Variants in RALYL observed in about 807,000 individuals in gnomAD.
RALYL encodes RALY RNA binding protein like, also known as RNA-binding Raly-like protein.
RALYL carries 29 observed loss-of-function variants against 35.1 expected under a neutral mutation model. The observed-to-expected ratio is 0.83, with a 90% CI of 0.61 to 1.13. RALYL has a LOEUF of 1.13. RALYL is among the 50% of genes most tolerant of loss of function. The probability of loss-of-function intolerance (pLI) is 0.00; values close to 1 mark genes in which losing one functional copy is unlikely to be tolerated. For synonymous variants in RALYL, 120 were observed against 127.6 expected, an observed-to-expected ratio of 0.94 and a Z score of 0.40; for missense variants, 359 against 360.4, an observed-to-expected ratio of 1.00 and a Z score of 0.03.
chr8:84,601,230 T>C (rs892798837), intron 2 of RALYL, among the ~76,000 whole-genome samples: 1 of 152,144 alleles, frequency 6.6e-6, no homozygotes, highest in Non-Finnish European at 1.5e-5. Context: ...TAACAAGTTA[T>C]GTCCATTTTA....
At chr8:84,452,465 T>C (rs1305717670) in intron 1 of RALYL, among the ~76,000 whole-genome samples, 1 of 151,956 alleles carries the variant, frequency 6.6e-6, no homozygotes, top group African/African-American at 2.4e-5. Context: ...AGTCCAATAA[T>C]ATATTTTCTT....
intron 1 of RALYL, among the ~76,000 whole-genome samples, chr8:84,411,722 T>C (rs2044123699): frequency 6.6e-6 from 1 of 152,022 alleles, no homozygotes. Context: ...GATTATTTGT[T>C]TAAATACTTT....
chr8:84,718,207 A>G (rs34012638), intron 2 of RALYL, among the ~76,000 whole-genome samples: 10,183 of 152,228 alleles, frequency 0.067, 787 homozygotes, highest in African/African-American at 0.19. Flanking sequence ...GTATTGAATG[A>G]AAGCATATAT....
At chr8:84,428,792 C>G (rs1192298323) in intron 1 of RALYL, among the ~76,000 whole-genome samples, 1 of 151,922 alleles carries the variant, frequency 6.6e-6, no homozygotes, top group Non-Finnish European at 1.5e-5. Context: ...ACCATGGTAC[C>G]CTCTACTCTA....
chr8:84,885,776 G>C (rs764662518), intron 7 of RALYL, among the ~76,000 whole-genome samples: 1 of 152,080 alleles, frequency 6.6e-6, no homozygotes, highest in African/African-American at 2.4e-5. Flanking sequence ...AGCCCCATGA[G>C]TGTTGTTCTG....
chr8:84,565,560 A>G (rs540561470), intron 2 of RALYL, among the ~76,000 whole-genome samples: 1 of 151,636 alleles, frequency 6.6e-6, no homozygotes, highest in South Asian at 2.1e-4. Context: ...CGATCTGCTT[A>G]ATAATAGTCT....
intron 1 of RALYL, among the ~76,000 whole-genome samples, chr8:84,391,148 C>G (rs1352773659): frequency 6.6e-6 from 1 of 151,960 alleles, no homozygotes; most frequent in Non-Finnish European, 1.5e-5. Context: ...CTTCTCTTCC[C>G]TTGGATAACA....
At chr8:84,513,316 G>T (rs2057776192) in intron 1 of RALYL, among the ~76,000 whole-genome samples, 1 of 151,926 alleles carries the variant, frequency 6.6e-6, no homozygotes, top group Non-Finnish European at 1.5e-5. Flanking sequence ...TTTTTAGCTA[G>T]TTTGTTATTA....
At chr8:84,195,341 A>G (rs1814991665) in intron 1 of RALYL, among the ~76,000 whole-genome samples, 1 of 152,004 alleles carries the variant, frequency 6.6e-6, no homozygotes, top group South Asian at 2.1e-4. Flanking sequence ...TCAGGAGGCT[A>G]AGGAAGGAGA....
intron 8 of RALYL, among the ~76,000 whole-genome samples, chr8:84,918,268 T>C (rs2135768117): frequency 6.6e-6 from 1 of 152,186 alleles, no homozygotes; most frequent in Admixed American, 6.6e-5. Context: ...AAGGTGGATT[T>C]ATTCTATATA....
At chr8:84,226,013 A>G (rs1823787812) in intron 1 of RALYL, among the ~76,000 whole-genome samples, 1 of 152,234 alleles carries the variant, frequency 6.6e-6, no homozygotes, top group East Asian at 1.9e-4. Context: ...GGAGTTCCCA[A>G]TCCCTGGCTG....
At chr8:84,603,104 A>G (rs1287579607) in intron 2 of RALYL, among the ~76,000 whole-genome samples, 1 of 152,036 alleles carries the variant, frequency 6.6e-6, no homozygotes, top group African/African-American at 2.4e-5. Context: ...TTATATGTAT[A>G]TTGTACCTCC....
At chr8:84,457,110 C>A (rs1406504024) in intron 1 of RALYL, among the ~76,000 whole-genome samples, 2 of 151,956 alleles carry the variant, frequency 1.3e-5, no homozygotes, top group African/African-American at 4.8e-5. Context: ...TGTAACACTT[C>A]CAGAATCTCA....
chr8:84,438,432 G>A (rs762801534), intron 1 of RALYL, among the ~76,000 whole-genome samples: 25 of 151,846 alleles, frequency 1.6e-4, no homozygotes, highest in East Asian at 5.8e-4. Context: ...TCTGTTGCTC[G>A]TGCTGGAGGG....
At chr8:84,437,555 G>T (rs1287251724) in intron 1 of RALYL, among the ~76,000 whole-genome samples, 1 of 152,080 alleles carries the variant, frequency 6.6e-6, no homozygotes, top group East Asian at 1.9e-4. Context: ...CATTCTGACT[G>T]GGATGAGATG....
intron 2 of RALYL, among the ~76,000 whole-genome samples, chr8:84,553,164 C>T (rs2060865974): frequency 1.3e-5 from 2 of 151,918 alleles, no homozygotes; most frequent in African/African-American, 2.4e-5. Context: ...ACTTCTTTTT[C>T]TTTTTTTGGG....
intron 1 of RALYL, among the ~76,000 whole-genome samples, chr8:84,486,416 C>A (rs2054635876): frequency 6.6e-6 from 1 of 151,564 alleles, no homozygotes; most frequent in South Asian, 2.1e-4. Flanking sequence ...TGGTTATAAT[C>A]ATAAATAGTA....
chr8:84,586,291 T>A (rs1811993919), intron 2 of RALYL, among the ~76,000 whole-genome samples: 1 of 152,196 alleles, frequency 6.6e-6, no homozygotes, highest in Non-Finnish European at 1.5e-5. Flanking sequence ...ATGTACTAAC[T>A]AAATGCAAGC....
At chr8:84,239,969 C>T (rs1827511220) in intron 1 of RALYL, among the ~76,000 whole-genome samples, 1 of 152,132 alleles carries the variant, frequency 6.6e-6, no homozygotes, top group Non-Finnish European at 1.5e-5. Context: ...TACTGCAGCA[C>T]ATTTGGTACT....
Sources: gnomAD v4.1 joint callset for allele counts (sites outside exome capture counted in the v4.1 genomes callset) on GRCh38, gnomAD v4.1.1 for gene constraint, MANE v1.5 for transcripts, NCBI Gene and HGNC (gene_info 2026-07-23, HGNC 2026-07-21) for gene names.